Variants in CPEB3 observed in about 807,000 individuals in gnomAD.
CPEB3 encodes cytoplasmic polyadenylation element-binding protein 3.
Under a neutral mutation model 67.2 loss-of-function variants are expected in CPEB3, and 20 were observed. The observed-to-expected ratio is 0.30, with a 90% CI of 0.21 to 0.43. CPEB3 has a LOEUF of 0.43. Ranked by LOEUF, CPEB3 falls within the 20% of genes least tolerant of loss-of-function variation. The probability of loss-of-function intolerance (pLI) is 1.00; values close to 1 mark genes in which losing one functional copy is unlikely to be tolerated. For synonymous variants in CPEB3, 376 were observed against 393.1 expected (o/e 0.96, Z 0.51); for missense variants, 746 against 968.6 (o/e 0.77, Z 3.05).
chr10:92,160,987 T>C (rs1590269654), intron 4 of CPEB3, among the ~76,000 whole-genome samples: 1 of 152,240 alleles, frequency 6.6e-6, no homozygotes, highest in African/African-American at 2.4e-5. Context: ...CCTCATGGGC[T>C]CAAGCGATTC....
chr10:92,266,505 C>T (rs1468182800), intron 1 of CPEB3, among the ~76,000 whole-genome samples: 1 of 152,104 alleles, frequency 6.6e-6, no homozygotes, highest in East Asian at 1.9e-4. Flanking sequence ...TTACTGAGCA[C>T]CTATTATATG....
At chr10:92,133,742 C>A (rs1027354989) in intron 6 of CPEB3, among the ~76,000 whole-genome samples, 1 of 152,088 alleles carries the variant, frequency 6.6e-6, no homozygotes, top group Non-Finnish European at 1.5e-5. Flanking sequence ...ATATCCCTGA[C>A]GAATATGGAT....
At chr10:92,105,723 T>TG (rs1252007424) in intron 7 of CPEB3, among the ~76,000 whole-genome samples, 1 of 146,592 alleles carries the variant, frequency 6.8e-6, no homozygotes. Flanking sequence ...GGGTTTTTTT[T>TG]TTTTTTTTTT....
intron 6 of CPEB3, among the ~76,000 whole-genome samples, chr10:92,134,790 A>G (rs1244808508): frequency 6.6e-6 from 1 of 152,030 alleles, no homozygotes; most frequent in African/African-American, 2.4e-5. Flanking sequence ...TAACCAAAAC[A>G]GCATGGTACT....
intron 7 of CPEB3, among the ~76,000 whole-genome samples, chr10:92,108,588 T>A (rs899390307): frequency 6.6e-6 from 1 of 152,270 alleles, no homozygotes; most frequent in East Asian, 1.9e-4. Context: ...CTATCCTAAG[T>A]TTTACTAAAA....
intron 6 of CPEB3, among the ~76,000 whole-genome samples, chr10:92,128,706 T>C (rs1461288523): frequency 2.0e-5 from 3 of 152,124 alleles, no homozygotes; most frequent in African/African-American, 7.2e-5. Context: ...ACAGACACTT[T>C]TCATAAGACA....
intron 1 of CPEB3, among the ~76,000 whole-genome samples, chr10:92,250,303 G>A (rs577363350): frequency 2.0e-5 from 3 of 151,850 alleles, no homozygotes; most frequent in Admixed American, 1.3e-4. Flanking sequence ...AGCCAGGATG[G>A]TCTCCATCTC....
intron 1 of CPEB3, among the ~76,000 whole-genome samples, chr10:92,256,350 A>G (rs1375325946): frequency 1.3e-5 from 2 of 151,550 alleles, no homozygotes; most frequent in Admixed American, 6.6e-5. Context: ...AAACTCTCCA[A>G]TAACTTTTCC....
rs187134520 is a variant in CPEB3, at chr10:92,057,250, T to C, written c.1870-4811A>G. 1.4e-4 allele frequency among the ~76,000 whole-genome samples: 21 copies of C among 152,286 alleles called. No individual in the cohort carries two copies. The East Asian group carries it at 3.5e-3, about 25-fold the overall frequency. On this transcript the variant is annotated intron_variant, in intron 9 of 9. Transcript: ENST00000265997. ...GAGCCTAGTGCCCTGAAATATGGGT[T>C]GCAGGCCAGGCAGTACTTACCACGA... is the stretch of plus-strand genomic sequence containing the variant.
intron 6 of CPEB3, among the ~76,000 whole-genome samples, chr10:92,133,873 T>C (rs1845960552): frequency 1.3e-5 from 2 of 152,126 alleles, no homozygotes; most frequent in Admixed American, 1.3e-4. Context: ...TGCAAATCAA[T>C]AAACATAATC....
chr10:92,254,719 T>C (rs1371458312), intron 1 of CPEB3, among the ~76,000 whole-genome samples: 2 of 152,062 alleles, frequency 1.3e-5, no homozygotes, highest in Non-Finnish European at 2.9e-5. Context: ...TTCAGTGGCA[T>C]GATCATACCT....
chr10:92,076,838 A>AGAGAGAGAAGAAAGGAGGAGGAG (rs1564758660), intron 9 of CPEB3, among the ~76,000 whole-genome samples: 1 of 72,898 alleles, frequency 1.4e-5, no homozygotes, highest in Non-Finnish European at 4.0e-5. Flanking sequence ...GGAGGAGGAA[A>AGAGAGAGAAGAAAGGAGGAGGAG]GAAAGAGAGA....
At chr10:92,140,251 C>T (rs1396717597) in intron 6 of CPEB3, among the ~76,000 whole-genome samples, 1 of 152,090 alleles carries the variant, frequency 6.6e-6, no homozygotes, top group Non-Finnish European at 1.5e-5. Flanking sequence ...GCTACAGTAA[C>T]CAAAACAGCA....
chr10:92,205,871 T>C (rs1849764350), intron 2 of CPEB3, among the ~76,000 whole-genome samples: 1 of 152,038 alleles, frequency 6.6e-6, no homozygotes, highest in African/African-American at 2.4e-5. Context: ...AGAACCTAAG[T>C]CTTTAACCTA....
chr10:92,270,540 G>T (rs1373778168), intron 1 of CPEB3, among the ~76,000 whole-genome samples: 1 of 150,054 alleles, frequency 6.7e-6, no homozygotes, highest in Non-Finnish European at 1.5e-5. Flanking sequence ...AAGGCCATTA[G>T]AAGTGAGGTT....
At chr10:92,285,413 G>A (rs1372629470) in intron 1 of CPEB3, among the ~76,000 whole-genome samples, 4 of 152,186 alleles carry the variant, frequency 2.6e-5, no homozygotes, top group Admixed American at 6.5e-5. Context: ...TGGGATTATA[G>A]GCACACACCA....
At chr10:92,183,499 C>T (rs928428995) in intron 3 of CPEB3, among the ~76,000 whole-genome samples, 5 of 152,158 alleles carry the variant, frequency 3.3e-5, no homozygotes, top group Admixed American at 6.5e-5. Context: ...TTCTCACCAT[C>T]GTTTTTGGAT....
At chr10:92,249,981 C>T (rs1301254147) in intron 1 of CPEB3, among the ~76,000 whole-genome samples, 1 of 151,038 alleles carries the variant, frequency 6.6e-6, no homozygotes, top group Non-Finnish European at 1.5e-5. Context: ...CAGATCACAC[C>T]ACTGCACTCC....
chr10:92,252,030 T>C (rs1852323441), intron 1 of CPEB3, among the ~76,000 whole-genome samples: 1 of 150,586 alleles, frequency 6.6e-6, no homozygotes, highest in Non-Finnish European at 1.5e-5. Flanking sequence ...GGAGAATATA[T>C]GCTCTCTCTC....
Sources: allele counts gnomAD v4.1 joint callset (sites outside exome capture counted in the v4.1 genomes callset), GRCh38; gene constraint gnomAD v4.1.1; transcripts MANE v1.5; gene names NCBI Gene and HGNC (gene_info 2026-07-23, HGNC 2026-07-21).